Variants in SLC8A1 observed in about 807,000 individuals in gnomAD.
SLC8A1 encodes the protein solute carrier family 8 member A1.
SLC8A1 carries 18 observed loss-of-function variants against 68.3 expected under a neutral mutation model. The observed-to-expected ratio is 0.26, with a 90% CI of 0.18 to 0.39. The LOEUF (loss-of-function observed/expected upper bound fraction) is 0.39, where lower values mean the gene tolerates loss of function less well. Ranked by LOEUF, SLC8A1 falls within the 10% of genes least tolerant of loss-of-function variation. The pLI, the probability that SLC8A1 is intolerant of heterozygous loss-of-function variation, is 1.00. For synonymous variants in SLC8A1, 475 were observed against 415.5 expected, an observed-to-expected ratio of 1.14 and a Z score of -1.74; for missense variants, 985 against 1,156.7, an observed-to-expected ratio of 0.85 and a Z score of 2.15.
chr2:40,124,512 C>T (rs548689058), intron 7 of SLC8A1, among the ~76,000 whole-genome samples: 2 of 152,306 alleles, frequency 1.3e-5, no homozygotes, highest in African/African-American at 2.4e-5. Flanking sequence ...AATAATTCAC[C>T]TATTTTGCCT....
intron 2 of SLC8A1, among the ~76,000 whole-genome samples, chr2:40,421,904 G>C (rs1221527996): frequency 6.6e-6 from 1 of 152,200 alleles, no homozygotes; most frequent in Non-Finnish European, 1.5e-5. Context: ...TGTCGAGCCA[G>C]GAGAGGAGGC....
chr2:40,228,418 G>A lies in SLC8A1; in HGVS notation c.1809-50563C>T, dbSNP rs530097546. On this transcript the variant is annotated intron_variant, in intron 2 of 7. Coordinates refer to ENST00000406785, the Ensembl canonical transcript of SLC8A1. ...CTGCGGAAATGCTGCTGTCTACATT[G>A]GCATGACATTGGAATTAAAGCCAAC... 3.9e-5 allele frequency among the ~76,000 whole-genome samples: 6 copies of A among 152,300 alleles called. No homozygotes were observed. In the East Asian group the frequency reaches 9.7e-4, roughly 25 times the overall value.
intron 2 of SLC8A1, among the ~76,000 whole-genome samples, chr2:40,267,726 G>A (rs6759076): frequency 0.52 from 79,044 of 152,036 alleles, 22,757 homozygotes; most frequent in East Asian, 0.82. Context: ...TTCACTAACC[G>A]TATTTTTGAA....
At chr2:40,453,854 G>A (rs548731313), upstream of SLC8A1, among the ~76,000 whole-genome samples, 8 of 152,274 alleles carry the variant, frequency 5.3e-5, no homozygotes, top group East Asian at 3.9e-4. Context: ...TTAATTAGTC[G>A]GGTCTGTTGC....
chr2:40,357,878 T>A (rs957339468), intron 2 of SLC8A1, among the ~76,000 whole-genome samples: 1 of 151,964 alleles, frequency 6.6e-6, no homozygotes, highest in Non-Finnish European at 1.5e-5. Context: ...GTTTCCTAAC[T>A]TTAGGGAGAC....
chr2:40,150,104 C>A (rs551734529), intron 6 of SLC8A1, among the ~76,000 whole-genome samples: 98 of 149,232 alleles, frequency 6.6e-4, no homozygotes, highest in African/African-American at 2.3e-3. Context: ...TGCTCCTTTC[C>A]AGCTCGGGGC....
intron 1 of SLC8A1, among the ~76,000 whole-genome samples, chr2:40,484,859 A>T (rs1018262756): frequency 2.6e-5 from 4 of 152,216 alleles, no homozygotes; most frequent in African/African-American, 9.6e-5. Flanking sequence ...ATGTGTAATG[A>T]AATCTCAGCA....
At chr2:40,300,787 G>A (rs1342533803) in intron 2 of SLC8A1, among the ~76,000 whole-genome samples, 2 of 152,112 alleles carry the variant, frequency 1.3e-5, no homozygotes, top group Admixed American at 1.3e-4. Flanking sequence ...AGCTGCAGCA[G>A]TCATTTTGCT....
chr2:40,466,144 AG>A (rs1377009159), intron 1 of SLC8A1, among the ~76,000 whole-genome samples: 1 of 152,170 alleles, frequency 6.6e-6, no homozygotes, highest in Non-Finnish European at 1.5e-5. Context: ...GACTAAAACA[AG>A]GGGGAAATTG....
At chr2:40,276,442 A>G (rs763082379) in intron 2 of SLC8A1, among the ~76,000 whole-genome samples, 10 of 152,208 alleles carry the variant, frequency 6.6e-5, no homozygotes, top group Non-Finnish European at 1.3e-4. Context: ...TAGATTTGGT[A>G]TATTTTCCTC....
intron 1 of SLC8A1, among the ~76,000 whole-genome samples, chr2:40,498,306 C>T (rs1274491386): frequency 6.6e-6 from 1 of 152,040 alleles, no homozygotes; most frequent in African/African-American, 2.4e-5. Flanking sequence ...CAGTACCTGG[C>T]TGCTCCAAAT....
At chr2:40,281,046 C>T (rs1212747523) in intron 2 of SLC8A1, among the ~76,000 whole-genome samples, 1 of 152,150 alleles carries the variant, frequency 6.6e-6, no homozygotes, top group African/African-American at 2.4e-5. Flanking sequence ...ATTTGTCTTG[C>T]ACTTATAACT....
intron 1 of SLC8A1, among the ~76,000 whole-genome samples, chr2:40,500,744 A>T (rs532607375): frequency 1.2e-4 from 17 of 145,996 alleles, no homozygotes; most frequent in Middle Eastern, 7.4e-3. Context: ...AATTGTTCTG[A>T]TAATCAATTA....
intron 2 of SLC8A1, among the ~76,000 whole-genome samples, chr2:40,295,206 C>T (rs2070134915): frequency 6.6e-6 from 1 of 151,986 alleles, no homozygotes; most frequent in African/African-American, 2.4e-5. Context: ...CTCAAGTGAT[C>T]CTCCAGCCTC....
chr2:40,238,186 G>A (rs1246533621), intron 2 of SLC8A1, among the ~76,000 whole-genome samples: 72 of 151,616 alleles, frequency 4.7e-4, no homozygotes, highest in African/African-American at 1.3e-3. Context: ...GGGCAATGGC[G>A]GGCGCCCCTC....
At chr2:40,122,493 A>C (rs1343042544) in intron 7 of SLC8A1, among the ~76,000 whole-genome samples, 1 of 152,160 alleles carries the variant, frequency 6.6e-6, no homozygotes, top group Non-Finnish European at 1.5e-5. Context: ...GTTCAAGAGG[A>C]CCTATATTGG....
chr2:40,475,170 G>T (rs1220510652), intron 1 of SLC8A1, among the ~76,000 whole-genome samples: 1 of 152,090 alleles, frequency 6.6e-6, no homozygotes, highest in Non-Finnish European at 1.5e-5. Flanking sequence ...GTCTCGCTCT[G>T]TCGCCCAGGC....
chr2:40,216,710 T>C (rs1015612987), intron 2 of SLC8A1, among the ~76,000 whole-genome samples: 2 of 152,250 alleles, frequency 1.3e-5, no homozygotes, highest in African/African-American at 4.8e-5. Context: ...TGGCATGAGA[T>C]GGAATCTCAC....
At chr2:40,485,650 C>G (rs1272107738) in intron 1 of SLC8A1, among the ~76,000 whole-genome samples, 1 of 152,084 alleles carries the variant, frequency 6.6e-6, no homozygotes. Context: ...AAAACACACA[C>G]TAAAAATGGA....
Sources: gnomAD v4.1 joint callset for allele counts (sites outside exome capture counted in the v4.1 genomes callset) on GRCh38, gnomAD v4.1.1 for gene constraint, MANE v1.5 for transcripts, NCBI Gene and HGNC (gene_info 2026-07-23, HGNC 2026-07-21) for gene names.